RYR3: variants seen among roughly 807,000 people sequenced by gnomAD.
The protein encoded by RYR3 is brain ryanodine receptor-calcium release channel.
Under a neutral mutation model 584.3 loss-of-function variants are expected in RYR3, and 207 were observed. The observed-to-expected ratio is 0.35, with a 90% CI of 0.32 to 0.40. RYR3 has a LOEUF of 0.40. Ranked by LOEUF, RYR3 falls within the 10% of genes least tolerant of loss-of-function variation. The probability of loss-of-function intolerance (pLI) is 1.00; values close to 1 mark genes in which losing one functional copy is unlikely to be tolerated. For synonymous variants in RYR3, 2,416 were observed against 2,248.5 expected, an observed-to-expected ratio of 1.07 and a Z score of -2.11; for missense variants, 5,616 against 6,089.2, an observed-to-expected ratio of 0.92 and a Z score of 2.59.
Position 33,854,912 on chromosome 15 carries a change from G to C in RYR3, c.14007G>C (p.Gln4669His). Residue 4669 changes from glutamine (Q) to histidine (H), a missense_variant and splice_region_variant, in exon 98 of 104, where the codon CAG becomes CAC. Around this residue, in one of 9 missense-constraint regions of RYR3, gnomAD observed 918 missense variants for 887.4 expected, o/e 1.03. Coordinates refer to ENST00000634891, the MANE Select transcript of RYR3 (RefSeq NM_001036.6). ...CATCTGTAACTCACAATGGCAAACAGGTATGGTTTCTACTGATGCAGAACA... is the reference window on the plus strand; with the variant it reads ...CATCTGTAACTCACAATGGCAAACACGTATGGTTTCTACTGATGCAGAACA... ...ILSSVTHNGK[Q>H]LVLTVGLLAV... 6.2e-7 allele frequency: 1 copy of C among 1,608,718 alleles called. No homozygotes were observed. The highest frequency in any genetic ancestry group is 8.5e-7 in the Non-Finnish European group (1 of 1,177,872).
chr15:33,585,294 GA>G (rs1052975867), intron 15 of RYR3, among the ~76,000 whole-genome samples: 1 of 151,948 alleles, frequency 6.6e-6, no homozygotes, highest in Non-Finnish European at 1.5e-5. Flanking sequence ...AAAACATTGA[GA>G]AAAAAACAGA....
chr15:33,858,023 T>A, intron 99 of RYR3, 109 bp downstream of exon 99: 1 of 1,392,364 alleles, frequency 7.2e-7, no homozygotes, highest in Admixed American at 2.1e-5. Flanking sequence ...AACTGTAGAG[T>A]TAGTTACAGA....
At chr15:33,825,707 T>C in intron 82 of RYR3, 31 bp downstream of exon 82, 1 of 1,100,856 alleles carries the variant, frequency 9.1e-7, no homozygotes, top group Non-Finnish European at 1.3e-6. Context: ...AAGGCCATTC[T>C]CTTCCTGATT....
intron 82 of RYR3, 117 bp from the exon 83 acceptor site, chr15:33,826,135 A>T: frequency 1.0e-6 from 1 of 993,116 alleles, no homozygotes; most frequent in Non-Finnish European, 1.6e-6. Context: ...CGGTAGCTTT[A>T]ATAAAGCTAT....
In RYR3 at chr15:33,731,709, T is replaced by C. The variant is rs751550293; in HGVS notation, c.7424+15T>C. 1 of 1,546,236 alleles carries C rather than the reference T, an allele frequency of 6.5e-7. No homozygotes were observed. The highest frequency in any genetic ancestry group is 1.1e-5 in the South Asian group (1 of 88,306). ...GCCATTTGCAAGTAAGTACATATCCTATGTTGTTACTTCTGTGTATGCATC... is the reference window on the plus strand; with the variant it reads ...GCCATTTGCAAGTAAGTACATATCCCATGTTGTTACTTCTGTGTATGCATC... On this transcript the variant is annotated intron_variant, in intron 48 of 103. Coordinates refer to ENST00000634891, the MANE Select transcript of RYR3 (RefSeq NM_001036.6).
At chr15:33,604,634 G>C (rs2059821869) in intron 18 of RYR3, among the ~76,000 whole-genome samples, 8 of 152,194 alleles carry the variant, frequency 5.3e-5, no homozygotes, top group Admixed American at 5.2e-4. Context: ...CAAAATGGCA[G>C]GATGATGGGG....
intron 5 of RYR3, among the ~76,000 whole-genome samples, chr15:33,535,897 G>A (rs932366690): frequency 6.6e-6 from 1 of 152,132 alleles, no homozygotes; most frequent in East Asian, 1.9e-4. Context: ...TACCTGTGGC[G>A]GAAGACAGGG....
intron 38 of RYR3, among the ~76,000 whole-genome samples, chr15:33,672,098 G>A (rs2063882747): frequency 6.6e-6 from 1 of 152,054 alleles, no homozygotes; most frequent in African/African-American, 2.4e-5. Flanking sequence ...ACAGGCATGA[G>A]CCACCACAGC....
chr15:33,562,323 A>G (rs2057453347), intron 10 of RYR3, among the ~76,000 whole-genome samples: 1 of 152,232 alleles, frequency 6.6e-6, no homozygotes, highest in South Asian at 2.1e-4. Context: ...AAGCCACGGT[A>G]TTAACCCCTG....
Position 33,748,540 on chromosome 15 carries a change from C to T in RYR3, c.8199+10C>T. The T allele has an allele frequency of 1.2e-6, 2 of 1,609,594 alleles. No individual in the cohort carries two copies. Among genetic ancestry groups the T allele is most frequent in the Non-Finnish European group, 1.7e-6 (2 of 1,177,260 alleles). The stretch of plus-strand genomic sequence containing the variant: ...CTCCAGAGAGCTCCAGGTCAGTGCC[C>T]CAGGTCCAGCATGACTTGCTTTCAA... On this transcript the variant is annotated intron_variant, in intron 55 of 103. Transcript: ENST00000634891.
chr15:33,481,315 T>C (rs2049944100), intron 2 of RYR3, among the ~76,000 whole-genome samples: 1 of 152,218 alleles, frequency 6.6e-6, no homozygotes, highest in Non-Finnish European at 1.5e-5. Context: ...TTTATTGTAA[T>C]AATTAGATAC....
chr15:33,473,710 C>T (rs1311680269), intron 2 of RYR3, among the ~76,000 whole-genome samples, 172 bp downstream of exon 2: 1 of 152,170 alleles, frequency 6.6e-6, no homozygotes, highest in Non-Finnish European at 1.5e-5. Flanking sequence ...GCCTAGGAAT[C>T]GTTGATGTAG....
chr15:33,320,874 A>G (rs1044364403), intron 1 of RYR3, among the ~76,000 whole-genome samples: 2 of 152,236 alleles, frequency 1.3e-5, no homozygotes, highest in South Asian at 4.1e-4. Flanking sequence ...TTGCACAGTC[A>G]TTTTATTATT....
chr15:33,641,889 G>A (rs1293290226), intron 27 of RYR3, among the ~76,000 whole-genome samples: 1 of 152,146 alleles, frequency 6.6e-6, no homozygotes, highest in Non-Finnish European at 1.5e-5. Context: ...TCTGGCCCTG[G>A]TCATAATTAC....
intron 26 of RYR3, 25 bp downstream of exon 26, chr15:33,635,844 C>T (rs1482311276): frequency 1.3e-6 from 2 of 1,583,450 alleles, no homozygotes; most frequent in South Asian, 1.1e-5. Flanking sequence ...CTAGCAAACA[C>T]CCATCCTCAG....
Position 33,845,001 on chromosome 15 carries a change from C to G in RYR3, c.13436C>G (p.Ala4479Gly). The G allele has an allele frequency of 6.2e-7, 1 of 1,614,000 alleles. No homozygotes were observed. The highest frequency in any genetic ancestry group is 8.5e-7 in the Non-Finnish European group (1 of 1,179,892). Residue 4479 changes from alanine (A) to glycine (G), a missense_variant, in exon 93 of 104, where the codon GCC (alanine) becomes GGC (glycine). Ala to Gly is a moderately conservative substitution (Grantham distance 60). Around this residue, in one of 9 missense-constraint regions of RYR3, gnomAD observed 918 missense variants for 887.4 expected, o/e 1.03. Coordinates refer to ENST00000634891, the MANE Select transcript of RYR3 (RefSeq NM_001036.6). ...STGYMAPTLR[A>G]LAIIHTIISL... The stretch of plus-strand genomic sequence containing the variant: ...GGGTATATGGCACCAACCCTGCGTG[C>G]CCTGGCCATCATCCATACCATCATC...
intron 3 of RYR3, among the ~76,000 whole-genome samples, chr15:33,512,946 G>C (rs1237085406): frequency 6.6e-6 from 1 of 152,106 alleles, no homozygotes; most frequent in Admixed American, 6.6e-5. Flanking sequence ...TGAGAGTTTT[G>C]AGAAAAATAA....
chr15:33,586,016 A>ACTGCAT lies in RYR3; in HGVS notation c.1691_1696dup (p.Cys564_Ile565dup). On this transcript the variant is annotated inframe_insertion, in exon 16 of 104. Transcript: ENST00000634891. ...CATGTAGGTATCTTGGAAGTTTTGCACTGCATCTTAACTGAAAGCCCAGAA... is the reference window on the plus strand; with the variant it reads ...CATGTAGGTATCTTGGAAGTTTTGCACTGCATCTGCATCTTAACTGAAAGCCCAGAA... The ACTGCAT allele has an allele frequency of 6.2e-7, 1 of 1,611,616 alleles. No individual in the cohort carries two copies. Among genetic ancestry groups the ACTGCAT allele is most frequent in the Non-Finnish European group, 8.5e-7 (1 of 1,177,800 alleles).
At chr15:33,360,161 A>C (rs1405396732) in intron 1 of RYR3, among the ~76,000 whole-genome samples, 1 of 152,108 alleles carries the variant, frequency 6.6e-6, no homozygotes, top group Non-Finnish European at 1.5e-5. Context: ...ATATCACTTG[A>C]ATGCAAAAAT....
Sources: allele counts gnomAD v4.1 joint callset (sites outside exome capture counted in the v4.1 genomes callset), GRCh38; gene constraint gnomAD v4.1.1; regional missense constraint gnomAD v4.1.1; transcripts MANE v1.5; gene names NCBI Gene and HGNC (gene_info 2026-07-23, HGNC 2026-07-21).